ZCCHC17: variants seen among roughly 807,000 people sequenced by gnomAD.
ZCCHC17 encodes zinc finger CCHC domain-containing protein 17.
ZCCHC17 carries 18 observed loss-of-function variants against 30.6 expected under a neutral mutation model. That is an observed-to-expected ratio of 0.59 (90% CI 0.41 to 0.87). ZCCHC17 has a LOEUF of 0.87. Ranked by LOEUF, ZCCHC17 falls within the 40% of genes least tolerant of loss-of-function variation. The pLI, the probability that ZCCHC17 is intolerant of heterozygous loss-of-function variation, is 0.00. For synonymous variants in ZCCHC17, 88 were observed against 92.4 expected (o/e 0.95, Z 0.27); for missense variants, 263 against 284.2 (o/e 0.93, Z 0.54).
intron 2 of ZCCHC17, among the ~76,000 whole-genome samples, chr1:31,310,478 T>C (rs1426949238): frequency 6.6e-6 from 1 of 152,242 alleles, no homozygotes; most frequent in Non-Finnish European, 1.5e-5. Flanking sequence ...GCATCAACGT[T>C]GGGAGGTAGG....
At chr1:31,358,755 A>G (rs1412454636) in intron 7 of ZCCHC17, among the ~76,000 whole-genome samples, 1 of 152,168 alleles carries the variant, frequency 6.6e-6, no homozygotes, top group South Asian at 2.1e-4. Flanking sequence ...CAGATATTCA[A>G]GTAGACCATA....
At chr1:31,298,387 G>GT (rs35380795) in intron 1 of ZCCHC17, among the ~76,000 whole-genome samples, 1,835 of 139,190 alleles carry the variant, frequency 0.013, 32 homozygotes, top group African/African-American at 0.033. Context: ...GTTTTTTTTT[G>GT]TTTTTTTTTT....
rs1639371246 is a variant in ZCCHC17, at chr1:31,348,935, G to A, written c.525G>A (p.Lys175=). Reference sequence around the variant, plus strand: ...AGGCAAAGTCAGCAGAGTTTGAGAAGCCTGACCCTACAAGGAATCCTTCTA... The same window carrying A: ...AGGCAAAGTCAGCAGAGTTTGAGAAACCTGACCCTACAAGGAATCCTTCTA... The part of the protein sequence containing the change: ...KEEAKSAEFE[K]PDPTRNPSRK... The change falls in exon 7 of 8, where the codon AAG becomes AAA. Residue 175 remains lysine (K), a synonymous_variant. Coordinates refer to ENST00000344147, the MANE Select transcript of ZCCHC17 (RefSeq NM_016505.4). The A allele has an allele frequency of 1.2e-6, 2 of 1,605,622 alleles. No homozygotes were observed. Among genetic ancestry groups the A allele is most frequent in the Non-Finnish European group, 1.7e-6 (2 of 1,177,662 alleles).
At chr1:31,338,508 T>C (rs1638908473) in intron 4 of ZCCHC17, among the ~76,000 whole-genome samples, 1 of 152,156 alleles carries the variant, frequency 6.6e-6, no homozygotes, top group Non-Finnish European at 1.5e-5. Context: ...AAGTGCTTCA[T>C]GTGCTGCGGG....
In ZCCHC17 at chr1:31,297,070, C is replaced by G. The variant is rs186036351; in HGVS notation, c.-61C>G. The G allele has an allele frequency of 4.6e-6, 2 of 436,034 alleles. No homozygotes were observed. The highest frequency in any genetic ancestry group is 3.5e-5 in the East Asian group (1 of 28,920). The allele number at this position is 436,034 out of a possible 1,614,324, so 27.0% of individuals were successfully genotyped here. A position where few individuals can be genotyped will look rare whatever the true frequency, so the allele number is the denominator to read the frequency against. ...CAGCGACTCGGGGACCTGGAGCTGA[C>G]GCCTAGTACGTATGAGGAAGAACGG... On this transcript the variant is annotated 5_prime_UTR_variant, in exon 1 of 8. Transcript: ENST00000344147.
intron 3 of ZCCHC17, among the ~76,000 whole-genome samples, chr1:31,332,678 G>A (rs549188496): frequency 6.6e-6 from 1 of 151,720 alleles, no homozygotes; most frequent in East Asian, 1.9e-4. Context: ...ATGGAGTCTT[G>A]CTTTGTCACC....
intron 7 of ZCCHC17, among the ~76,000 whole-genome samples, chr1:31,351,666 C>T (rs1366460504): frequency 6.6e-6 from 1 of 152,018 alleles, no homozygotes; most frequent in East Asian, 1.9e-4. Context: ...TCTCTTGGGC[C>T]CAGGGGTCAA....
At chr1:31,308,868 G>A (rs987693526) in intron 1 of ZCCHC17, among the ~76,000 whole-genome samples, 5 of 152,128 alleles carry the variant, frequency 3.3e-5, no homozygotes, top group African/African-American at 1.2e-4. Context: ...AATGAATTTG[G>A]TACATCCAAC....
At chr1:31,357,045 A>G (rs900856092) in intron 7 of ZCCHC17, among the ~76,000 whole-genome samples, 7 of 152,370 alleles carry the variant, frequency 4.6e-5, no homozygotes, top group African/African-American at 1.7e-4. Context: ...GTTATGAAGA[A>G]GTAAGTGCCT....
chr1:31,343,217 G>A (rs1003744710), intron 5 of ZCCHC17, among the ~76,000 whole-genome samples: 10 of 151,984 alleles, frequency 6.6e-5, no homozygotes, highest in Admixed American at 4.6e-4. Flanking sequence ...CCACCACTGC[G>A]CCCGGCTAAT....
intron 3 of ZCCHC17, among the ~76,000 whole-genome samples, chr1:31,334,458 T>C (rs1217303980): frequency 6.6e-6 from 1 of 151,820 alleles, no homozygotes; most frequent in Non-Finnish European, 1.5e-5. Flanking sequence ...AGGGCAGTTA[T>C]TTTAGACAGG....
At chr1:31,312,449 T>C (rs1646628341) in intron 2 of ZCCHC17, among the ~76,000 whole-genome samples, 1 of 152,200 alleles carries the variant, frequency 6.6e-6, no homozygotes. Flanking sequence ...GAAGGCATAT[T>C]TGTTTCAAGA....
chr1:31,336,480 G>A (rs1283274189), intron 3 of ZCCHC17, among the ~76,000 whole-genome samples: 1 of 151,988 alleles, frequency 6.6e-6, no homozygotes, highest in Admixed American at 6.6e-5. Flanking sequence ...CTAATATGGA[G>A]CATTACATTT....
At chr1:31,359,036 C>T (rs909501939) in intron 7 of ZCCHC17, among the ~76,000 whole-genome samples, 11 of 152,270 alleles carry the variant, frequency 7.2e-5, no homozygotes, top group African/African-American at 2.6e-4. Context: ...TGAATGTGTT[C>T]TAGGTAAGAT....
intron 7 of ZCCHC17, among the ~76,000 whole-genome samples, chr1:31,351,170 C>T (rs951188850): frequency 6.6e-6 from 1 of 152,180 alleles, no homozygotes; most frequent in Non-Finnish European, 1.5e-5. Context: ...CAGCAATACT[C>T]TCCCAGTCTC....
chr1:31,347,177 A>G (rs920063286), intron 6 of ZCCHC17, among the ~76,000 whole-genome samples: 1 of 152,234 alleles, frequency 6.6e-6, no homozygotes, highest in Non-Finnish European at 1.5e-5. Context: ...TCTGAATACA[A>G]TATCTTTTTA....
Position 31,364,126 on chromosome 1 carries a change from C to G in ZCCHC17, c.659C>G (p.Ser220Ter). 6.2e-7 allele frequency: 1 copy of G among 1,613,764 alleles called. No homozygotes were observed. The highest frequency in any genetic ancestry group is 8.5e-7 in the Non-Finnish European group (1 of 1,179,872). ...SDTGKRARHT[S>*]KDSKAAKKKK... ...ACAGGCAAGAGGGCAAGGCACACAT[C>G]AAAAGACAGCAAGGCAGCAAAGAAG... Residue 220 changes from serine to a stop codon, truncating the protein, a stop_gained, in exon 8 of 8, where the codon TCA (serine) becomes TGA (stop). Coordinates refer to ENST00000344147, the MANE Select transcript of ZCCHC17 (RefSeq NM_016505.4). LOFTEE classifies it high-confidence loss of function.
At chr1:31,343,755 C>T (rs1639135009) in intron 5 of ZCCHC17, among the ~76,000 whole-genome samples, 1 of 147,308 alleles carries the variant, frequency 6.8e-6, no homozygotes, top group African/African-American at 2.5e-5. Context: ...TCATAGCTCA[C>T]TACAACCTCA....
At chr1:31,349,945 T>C (rs1245923347) in intron 7 of ZCCHC17, among the ~76,000 whole-genome samples, 2 of 152,232 alleles carry the variant, frequency 1.3e-5, no homozygotes, top group African/African-American at 4.8e-5. Flanking sequence ...GTTAGGGCTT[T>C]AACGCTCTTG....
Sources: allele counts gnomAD v4.1 joint callset (sites outside exome capture counted in the v4.1 genomes callset), GRCh38; gene constraint gnomAD v4.1.1; transcripts MANE v1.5; gene names NCBI Gene and HGNC (gene_info 2026-07-23, HGNC 2026-07-21).